CACNA2D3: variants seen among roughly 807,000 people sequenced by gnomAD.
CACNA2D3 encodes the protein calcium voltage-gated channel auxiliary subunit alpha2delta 3, also known as voltage-dependent calcium channel subunit alpha-2/delta-3.
In CACNA2D3, 60 loss-of-function variants were observed where a neutral mutation model predicts 160.6. The ratio of observed to expected loss-of-function variants is 0.37; its 90% CI spans 0.30 to 0.46. CACNA2D3 has a LOEUF of 0.46. Among genes scored for constraint, CACNA2D3 ranks in the 20% least tolerant of loss-of-function variants. The probability of loss-of-function intolerance (pLI) is 1.00; values close to 1 mark genes in which losing one functional copy is unlikely to be tolerated. For missense variants in CACNA2D3, 1,205 were observed against 1,365.0 expected, an observed-to-expected ratio of 0.88 and a Z score of 1.85; for synonymous variants, 558 against 492.9, an observed-to-expected ratio of 1.13 and a Z score of -1.75.
chr3:54,898,673 C>G (rs7633208), intron 26 of CACNA2D3, among the ~76,000 whole-genome samples: 10 of 152,268 alleles, frequency 6.6e-5, no homozygotes, highest in African/African-American at 1.9e-4. Flanking sequence ...AATAATAGAA[C>G]TTAGCTTGCT....
At chr3:54,877,540 G>A (rs1394961316) in intron 18 of CACNA2D3, among the ~76,000 whole-genome samples, 1 of 152,104 alleles carries the variant, frequency 6.6e-6, no homozygotes, top group Non-Finnish European at 1.5e-5. Context: ...GTAAGTGATC[G>A]AGATACCCAA....
At chr3:54,925,343 A>G in intron 27 of CACNA2D3, 1 of 726,174 alleles carries the variant, frequency 1.4e-6, no homozygotes, top group African/African-American at 1.8e-5. Context: ...CCTGCAAGAG[A>G]GGTTCTGTCA....
At chr3:55,016,410 A>G (rs147814062) in intron 34 of CACNA2D3, among the ~76,000 whole-genome samples, 6 of 152,344 alleles carry the variant, frequency 3.9e-5, no homozygotes, top group African/African-American at 1.2e-4. Context: ...AGACGAGGAC[A>G]CTAAGATGTA....
chr3:54,367,915 G>A (rs1002591119), intron 3 of CACNA2D3, among the ~76,000 whole-genome samples: 1 of 152,142 alleles, frequency 6.6e-6, no homozygotes, highest in African/African-American at 2.4e-5. Flanking sequence ...TGTCTGTCCT[G>A]TGATTCACCA....
At chr3:54,513,753 T>C (rs1227525459) in intron 5 of CACNA2D3, among the ~76,000 whole-genome samples, 1 of 152,202 alleles carries the variant, frequency 6.6e-6, no homozygotes, top group African/African-American at 2.4e-5. Context: ...CGATCTCAGC[T>C]CATTGCAACC....
intron 2 of CACNA2D3, among the ~76,000 whole-genome samples, chr3:54,266,908 G>A (rs958638223): frequency 2.6e-5 from 4 of 152,090 alleles, no homozygotes; most frequent in African/African-American, 7.2e-5. Flanking sequence ...GCATGGAGGG[G>A]ACAGTGGCTT....
intron 2 of CACNA2D3, among the ~76,000 whole-genome samples, chr3:54,154,411 G>A (rs1399746942): frequency 6.6e-6 from 1 of 152,158 alleles, no homozygotes; most frequent in Admixed American, 6.5e-5. Flanking sequence ...TCAAGTGATG[G>A]AGTTACATTT....
intron 35 of CACNA2D3, among the ~76,000 whole-genome samples, chr3:55,072,945 G>A (rs1704845162): frequency 1.3e-5 from 2 of 152,138 alleles, no homozygotes; most frequent in African/African-American, 4.8e-5. Flanking sequence ...TGTATACTGG[G>A]CAGACGTTGT....
chr3:54,933,034 T>G (rs1378583338), intron 27 of CACNA2D3, among the ~76,000 whole-genome samples: 6 of 135,672 alleles, frequency 4.4e-5, no homozygotes, highest in Non-Finnish European at 9.0e-5. Flanking sequence ...AATATTGTCT[T>G]CCATCCATCC....
At chr3:54,306,707 G>C (rs1297409333) in intron 2 of CACNA2D3, among the ~76,000 whole-genome samples, 1 of 152,228 alleles carries the variant, frequency 6.6e-6, no homozygotes, top group African/African-American at 2.4e-5. Context: ...TCACGAGGGA[G>C]ATCGTGGCAG....
At chr3:54,888,371 A>G (rs536123452) in intron 24 of CACNA2D3, among the ~76,000 whole-genome samples, 1 of 152,192 alleles carries the variant, frequency 6.6e-6, no homozygotes, top group Non-Finnish European at 1.5e-5. Flanking sequence ...TCTACTTTGC[A>G]GTCTTGGGGG....
chr3:54,293,267 A>G (rs545673238), intron 2 of CACNA2D3, among the ~76,000 whole-genome samples: 13 of 152,070 alleles, frequency 8.5e-5, no homozygotes, highest in Non-Finnish European at 1.6e-4. Flanking sequence ...TAAGTTCTTT[A>G]GTGGTAATTT....
At chr3:54,816,922 C>T in intron 14 of CACNA2D3, 52 bp downstream of exon 14, 1 of 1,588,118 alleles carries the variant, frequency 6.3e-7, no homozygotes, top group Non-Finnish European at 8.6e-7. Context: ...ACGAGTCATG[C>T]ATGCCTCCAT....
intron 14 of CACNA2D3, among the ~76,000 whole-genome samples, chr3:54,820,091 C>A (rs766853490): frequency 2.6e-5 from 4 of 152,158 alleles, no homozygotes; most frequent in Admixed American, 1.3e-4. Flanking sequence ...AAGAGAGGCA[C>A]CCCCAGCCAC....
intron 8 of CACNA2D3, 128 bp downstream of exon 8, chr3:54,570,232 T>A: frequency 1.0e-6 from 1 of 976,586 alleles, no homozygotes; most frequent in Non-Finnish European, 1.6e-6. Flanking sequence ...CTGGTTAGTC[T>A]CATGAAAGTT....
intron 13 of CACNA2D3, among the ~76,000 whole-genome samples, chr3:54,783,627 A>AATAAAT (rs200951585): frequency 3.3e-5 from 5 of 149,596 alleles, no homozygotes; most frequent in Admixed American, 1.3e-4. Context: ...TAAATAAATA[A>AATAAAT]AAATAAAAAT....
chr3:54,600,753 T>C (rs944009292), intron 9 of CACNA2D3, among the ~76,000 whole-genome samples: 3 of 152,136 alleles, frequency 2.0e-5, no homozygotes, highest in Non-Finnish European at 4.4e-5. Context: ...CCTCCTGCGC[T>C]CTGGCTTCAT....
chr3:54,817,204 T>A (rs1246705865), intron 14 of CACNA2D3, among the ~76,000 whole-genome samples: 1 of 152,222 alleles, frequency 6.6e-6, no homozygotes, highest in Non-Finnish European at 1.5e-5. Flanking sequence ...TCTGAGGTAA[T>A]TTTTAGGGAG....
chr3:54,325,898 A>G (rs1444740074), intron 3 of CACNA2D3, among the ~76,000 whole-genome samples: 1 of 152,208 alleles, frequency 6.6e-6, no homozygotes, highest in Non-Finnish European at 1.5e-5. Context: ...TACATTGATA[A>G]AATGATAAAT....
Sources: allele counts gnomAD v4.1 joint callset (sites outside exome capture counted in the v4.1 genomes callset), GRCh38; gene constraint gnomAD v4.1.1; transcripts MANE v1.5; gene names NCBI Gene and HGNC (gene_info 2026-07-23, HGNC 2026-07-21).